Variants in MMS22L observed in about 807,000 individuals in gnomAD.
MMS22L encodes MMS22 like, DNA repair protein, also known as protein MMS22-like.
Under a neutral mutation model 159.1 loss-of-function variants are expected in MMS22L, and 74 were observed. That is an observed-to-expected ratio of 0.47 (90% CI 0.39 to 0.56). The LOEUF is 0.56. Ranked by LOEUF, MMS22L falls within the 20% of genes least tolerant of loss-of-function variation. MMS22L has a pLI of 0.00. For synonymous variants in MMS22L, 517 were observed against 506.9 expected (o/e 1.02, Z -0.27); for missense variants, 1,351 against 1,422.1 (o/e 0.95, Z 0.80).
rs1816867227 is a variant in MMS22L, at chr6:97,282,652, A to G, written c.-76-99T>C. 1.6e-5 allele frequency: 8 copies of G among 510,380 alleles called. No individual in the cohort carries two copies. The South Asian group carries it at 1.9e-4, about 12-fold the overall frequency. 31.6% of individuals were successfully genotyped at this position (510,380 alleles called of 1,614,324 possible). On this transcript the variant is annotated intron_variant, in intron 1 of 24. Coordinates refer to ENST00000683635, the MANE Select transcript of MMS22L (RefSeq NM_001350599.2). ...GAAGGAAAAACAAACGAACAAACCCAGAGGCCAAATTCCCAATTCCCCCTC... is the reference window on the plus strand; with the variant it reads ...GAAGGAAAAACAAACGAACAAACCCGGAGGCCAAATTCCCAATTCCCCCTC...
At chr6:97,154,206 C>T (rs1379791829) in intron 22 of MMS22L, among the ~76,000 whole-genome samples, 2 of 151,962 alleles carry the variant, frequency 1.3e-5, no homozygotes, top group Non-Finnish European at 2.9e-5. Flanking sequence ...TATGCATTTC[C>T]CTGGTGACTA....
chr6:97,241,755 C>G (rs1166398630), intron 11 of MMS22L, among the ~76,000 whole-genome samples: 1 of 152,096 alleles, frequency 6.6e-6, no homozygotes. Flanking sequence ...TATGAACTTT[C>G]CTCTTAGCAC....
At chr6:97,270,485 A>G (rs975435167) in intron 6 of MMS22L, 5 of 313,140 alleles carry the variant, frequency 1.6e-5, no homozygotes, top group Non-Finnish European at 3.1e-5. Context: ...TTACCTCTCA[A>G]TTCATGTATT....
At chr6:97,151,435 A>C (rs1801306005) in intron 23 of MMS22L, 1 of 285,890 alleles carries the variant, frequency 3.5e-6, no homozygotes. Flanking sequence ...GTATAAGTAC[A>C]CTCTATTTGA....
rs1161823839 is a variant in MMS22L at position 97,254,712 on chromosome 6, T to C, written c.964A>G (p.Lys322Glu). ...TTTTCAAGCAGTGTTTTAAGTAGTTTATTCAACCAGTTCCAAAATGACTAT... is the reference window on the plus strand; with the variant it reads ...TTTTCAAGCAGTGTTTTAAGTAGTTCATTCAACCAGTTCCAAAATGACTAT... ...VSESFWNWLN[K>E]LLKTLLEKSS... The change falls in exon 10 of 25, where the codon AAA (lysine) becomes GAA (glutamate). Residue 322 changes from lysine (K) to glutamate (E), a missense_variant. Lys to Glu is a moderately conservative substitution (Grantham distance 56, BLOSUM62 1). Transcript: ENST00000683635. The C allele has an allele frequency of 1.2e-6, 2 of 1,602,832 alleles. No individual in the cohort carries two copies. The highest frequency in any genetic ancestry group is 1.3e-5 in the African/African-American group (1 of 74,454).
intron 13 of MMS22L, chr6:97,230,555 C>T (rs961569460): frequency 6.6e-6 from 1 of 152,166 alleles, no homozygotes. Flanking sequence ...ACTATCCCCA[C>T]TATAGTGCTT....
intron 22 of MMS22L, among the ~76,000 whole-genome samples, chr6:97,161,631 G>C (rs962052935): frequency 2.6e-5 from 4 of 151,870 alleles, no homozygotes; most frequent in Admixed American, 2.6e-4. Flanking sequence ...GCAAAAACCT[G>C]AATAAAAAAA....
At chr6:97,243,897 A>T (rs375705189) in intron 11 of MMS22L, among the ~76,000 whole-genome samples, 6 of 152,060 alleles carry the variant, frequency 3.9e-5, no homozygotes, top group East Asian at 1.9e-4. Flanking sequence ...GGGTGTCTGC[A>T]AAGAGTCCTG....
intron 10 of MMS22L, among the ~76,000 whole-genome samples, chr6:97,249,837 C>T (rs1813058609): frequency 6.6e-6 from 1 of 151,138 alleles, no homozygotes; most frequent in African/African-American, 2.4e-5. Context: ...GTGAGAAGGG[C>T]CATGACAGGG....
At chr6:97,214,685 GTTTT>G (rs11398586) in intron 14 of MMS22L, among the ~76,000 whole-genome samples, 1 of 133,888 alleles carries the variant, frequency 7.5e-6, no homozygotes, top group East Asian at 2.5e-4. Flanking sequence ...TATTTTTTTT[GTTTT>G]TTTTTTTTTT....
chr6:97,255,294 G>A (rs2128059202), intron 9 of MMS22L, among the ~76,000 whole-genome samples: 1 of 152,142 alleles, frequency 6.6e-6, no homozygotes, highest in Admixed American at 6.5e-5. Flanking sequence ...CAAGTTATTA[G>A]ACATAAAGTT....
chr6:97,279,664 G>A (rs2128102641), intron 3 of MMS22L, among the ~76,000 whole-genome samples: 1 of 151,546 alleles, frequency 6.6e-6, no homozygotes, highest in South Asian at 2.1e-4. Context: ...GGGGGACCCT[G>A]TAATCCGAGC....
rs111574259 is a variant in MMS22L at position 97,197,520 on chromosome 6, C to T, written c.2040-10830G>A. Among the ~76,000 whole-genome samples the T allele has an allele frequency of 3.2e-3, 493 of 152,206 alleles. 2 individuals are homozygous for T. Among genetic ancestry groups the T allele is most frequent in the African/African-American group, 0.011 (468 of 41,536 alleles). ...GAGATCATCTCTGAAAATAATCTCA[C>T]AACAAAATGTACATGCCTTATAAAA... On this transcript the variant is annotated intron_variant, in intron 14 of 24. Coordinates refer to ENST00000683635, the MANE Select transcript of MMS22L (RefSeq NM_001350599.2).
Position 97,144,840 on chromosome 6 carries a change from C to G in MMS22L, c.*1966G>C, listed in dbSNP as rs1331571417. Reference sequence around the variant, plus strand: ...AAATACAAAACATATAATACACACACATATTGTTACACACTTTGTTGTTAC... The same window carrying G: ...AAATACAAAACATATAATACACACAGATATTGTTACACACTTTGTTGTTAC... On this transcript the variant is annotated 3_prime_UTR_variant, in exon 25 of 25. Coordinates refer to ENST00000683635, the MANE Select transcript of MMS22L (RefSeq NM_001350599.2). 2.0e-5 allele frequency: 3 copies of G among 151,938 alleles called. No homozygotes were observed. Among genetic ancestry groups the G allele is most frequent in the Non-Finnish European group, 4.4e-5 (3 of 67,992 alleles). 9.4% of individuals were successfully genotyped at this position (151,938 alleles called of 1,614,324 possible). A position where few individuals can be genotyped will look rare whatever the true frequency, so the allele number is the denominator to read the frequency against.
intron 10 of MMS22L, among the ~76,000 whole-genome samples, chr6:97,251,786 T>C (rs1176427103): frequency 6.6e-6 from 1 of 152,128 alleles, no homozygotes; most frequent in Non-Finnish European, 1.5e-5. Context: ...GTTCTCTGTA[T>C]GAAATGGAAG....
chr6:97,226,105 T>C (rs1412391820), intron 14 of MMS22L, among the ~76,000 whole-genome samples: 1 of 152,180 alleles, frequency 6.6e-6, no homozygotes, highest in Non-Finnish European at 1.5e-5. Context: ...TACAAAGATG[T>C]TAAATAAACG....
At chr6:97,237,284 AAAG>A (rs1167871313) in intron 11 of MMS22L, among the ~76,000 whole-genome samples, 1 of 152,242 alleles carries the variant, frequency 6.6e-6, no homozygotes, top group Non-Finnish European at 1.5e-5. Flanking sequence ...GTGTACAGGT[AAAG>A]AAGAACACAG....
intron 14 of MMS22L, among the ~76,000 whole-genome samples, chr6:97,191,745 A>G (rs1805885055): frequency 6.6e-6 from 1 of 152,204 alleles, no homozygotes; most frequent in Admixed American, 6.5e-5. Context: ...ACTCACTAAA[A>G]AATCTTAGAC....
Position 97,169,214 on chromosome 6 carries a change from C to T in MMS22L, c.2840-974G>A, listed in dbSNP as rs1437103261. Among the ~76,000 whole-genome samples the T allele has an allele frequency of 2.0e-5, 3 of 152,068 alleles. No homozygotes were observed. In the East Asian group the frequency reaches 5.8e-4, roughly 29 times the overall value. On this transcript the variant is annotated intron_variant, in intron 19 of 24. Transcript: ENST00000683635. ...GCTACTTGAAATATATTATGGCTTC[C>T]TTGGTGCTAGAAGTCTGTTAATTGC...
Sources: gnomAD v4.1 joint callset for allele counts (sites outside exome capture counted in the v4.1 genomes callset) on GRCh38, gnomAD v4.1.1 for gene constraint, MANE v1.5 for transcripts, NCBI Gene and HGNC (gene_info 2026-07-23, HGNC 2026-07-21) for gene names.